Variants in RAI14 observed in about 807,000 individuals in gnomAD.
The protein encoded by RAI14 is retinoic acid induced 14, also known as ankycorbin.
In RAI14, 45 loss-of-function variants were observed where a neutral mutation model predicts 115.4. The observed-to-expected ratio is 0.39, with a 90% confidence interval of 0.31 to 0.50. RAI14 has a LOEUF of 0.50. Among genes scored for constraint, RAI14 ranks in the 20% least tolerant of loss-of-function variants. The pLI is 0.85. For missense variants in RAI14, 939 were observed against 1,131.2 expected, an observed-to-expected ratio of 0.83 and a Z score of 2.44; for synonymous variants, 371 against 415.4, an observed-to-expected ratio of 0.89 and a Z score of 1.30.
At chr5:34,794,339 C>T (rs368983708) in intron 3 of RAI14, among the ~76,000 whole-genome samples, 32 of 152,190 alleles carry the variant, frequency 2.1e-4, no homozygotes, top group African/African-American at 7.7e-4. Context: ...AGGAGAATCA[C>T]TTGAACCTGA....
chr5:34,694,732 C>T (rs1159756869), intron 2 of RAI14, among the ~76,000 whole-genome samples: 1 of 152,120 alleles, frequency 6.6e-6, no homozygotes, highest in Non-Finnish European at 1.5e-5. Flanking sequence ...AAGAATAGAA[C>T]AAGAAAAAGT....
intron 2 of RAI14, among the ~76,000 whole-genome samples, chr5:34,748,818 T>A (rs73763458): frequency 2.4e-4 from 31 of 127,950 alleles, no homozygotes; most frequent in South Asian, 2.2e-3. Context: ...AAATAAAAAT[T>A]AAAAAAAAAA....
intron 1 of RAI14, among the ~76,000 whole-genome samples, chr5:34,681,695 C>T (rs1579890732): frequency 6.6e-6 from 1 of 151,760 alleles, no homozygotes; most frequent in South Asian, 2.1e-4. Context: ...GACTGGGTCT[C>T]GCTCTGGTGC....
At chr5:34,718,150 C>T (rs1742221758) in intron 2 of RAI14, among the ~76,000 whole-genome samples, 1 of 152,188 alleles carries the variant, frequency 6.6e-6, no homozygotes, top group Non-Finnish European at 1.5e-5. Flanking sequence ...CAACAGCTAG[C>T]AAATTAGTGA....
intron 4 of RAI14, among the ~76,000 whole-genome samples, 171 bp downstream of exon 4, chr5:34,796,198 C>T (rs1361211587): frequency 1.3e-5 from 2 of 151,892 alleles, no homozygotes; most frequent in African/African-American, 4.8e-5. Flanking sequence ...AGTTCAAGGC[C>T]AGACTGGCCA....
chr5:34,686,809 A>G, intron 1 of RAI14, 63 bp from the exon 2 acceptor site: 2 of 1,086,650 alleles, frequency 1.8e-6, no homozygotes, highest in Non-Finnish European at 2.7e-6. Context: ...CCCAAGTTGT[A>G]ATCCAATCAG....
At position 34,814,640 on chromosome 5, in the gene RAI14, T is replaced by C. The variant is rs150350937; in HGVS notation, c.910T>C (p.Ser304Pro). 7.4e-5 allele frequency: 119 copies of C among 1,613,392 alleles called. No homozygotes were observed. In the African/African-American group the frequency reaches 1.5e-3, roughly 21 times the overall value. ...ITSTPLSGKE[S>P]VFFAEPPFKA... The stretch of plus-strand genomic sequence containing the variant: ...TTCGACTCCACTATCGGGAAAGGAA[T>C]CGGTATTTTTTGCTGAACCACCCTT... Residue 304 changes from serine to proline, a missense_variant, in exon 12 of 18, where the codon TCG becomes CCG. Transcript: ENST00000265109.
intron 3 of RAI14, among the ~76,000 whole-genome samples, chr5:34,780,678 A>G (rs1377439093): frequency 1.3e-5 from 2 of 152,212 alleles, no homozygotes; most frequent in Admixed American, 1.3e-4. Context: ...ATGAGATACC[A>G]TCTCACACCA....
At chr5:34,775,178 G>A (rs1346205792) in intron 3 of RAI14, among the ~76,000 whole-genome samples, 1 of 152,074 alleles carries the variant, frequency 6.6e-6, no homozygotes, top group Admixed American at 6.5e-5. Context: ...AAACATCGAG[G>A]AAACTCTGTA....
intron 2 of RAI14, among the ~76,000 whole-genome samples, chr5:34,754,165 G>C (rs1360499062): frequency 6.6e-6 from 1 of 152,104 alleles, no homozygotes; most frequent in Non-Finnish European, 1.5e-5. Context: ...TATCTCCGTG[G>C]GCAAGTTTAG....
chr5:34,820,535 C>CT (rs1756716948), intron 13 of RAI14, among the ~76,000 whole-genome samples: 1 of 152,176 alleles, frequency 6.6e-6, no homozygotes, highest in African/African-American at 2.4e-5. Context: ...TTGCTTGAAT[C>CT]TGGGAGGCAG....
rs984803552 is a variant in RAI14, at chr5:34,692,122, G to C, written c.36+5167G>C. 1.8e-4 allele frequency among the ~76,000 whole-genome samples: 28 copies of C among 152,120 alleles called. 1 individual carries two copies. The highest frequency in any genetic ancestry group is 4.4e-5 in the Non-Finnish European group (3 of 68,030). Reference sequence around the variant, plus strand: ...TACTAAAAATACAAAAATTAGCCAGGCATGGTGGTGCATGCTCGTAATCCC... The same window carrying C: ...TACTAAAAATACAAAAATTAGCCAGCCATGGTGGTGCATGCTCGTAATCCC... On this transcript the variant is annotated intron_variant, in intron 2 of 17. Transcript: ENST00000265109.
intron 2 of RAI14, among the ~76,000 whole-genome samples, chr5:34,695,939 T>C (rs1040299842): frequency 4.0e-5 from 6 of 151,366 alleles, no homozygotes; most frequent in Non-Finnish European, 7.4e-5. Flanking sequence ...TGCCCTGGCC[T>C]CCCAAATAGC....
At chr5:34,705,687 G>A (rs1163056659) in intron 2 of RAI14, among the ~76,000 whole-genome samples, 1 of 152,006 alleles carries the variant, frequency 6.6e-6, no homozygotes, top group African/African-American at 2.4e-5. Flanking sequence ...CACTCTTGTT[G>A]CCCAGGCTGG....
At chr5:34,744,043 T>C (rs1345578013) in intron 2 of RAI14, among the ~76,000 whole-genome samples, 5 of 152,224 alleles carry the variant, frequency 3.3e-5, no homozygotes, top group Admixed American at 2.0e-4. Context: ...GGATACTTCA[T>C]GTGAAATGTG....
In RAI14 at chr5:34,808,573, C is replaced by T. The variant is rs1215496686; in HGVS notation, c.380-11C>T. 2 of 1,613,344 alleles carry T rather than the reference C, an allele frequency of 1.2e-6. No homozygotes were observed. The highest frequency in any genetic ancestry group is 1.1e-5 in the South Asian group (1 of 91,022). On this transcript the variant is annotated splice_polypyrimidine_tract_variant and intron_variant, in intron 6 of 17. Coordinates refer to ENST00000265109, the MANE Select transcript of RAI14 (RefSeq NM_015577.3). ...TGATTGGCTGTGGTATTTATATTTT[C>T]CTTCCCCCAGCGGCTCAGGGCTGCC...
At chr5:34,704,845 C>T (rs2149942620) in intron 2 of RAI14, among the ~76,000 whole-genome samples, 1 of 152,340 alleles carries the variant, frequency 6.6e-6, no homozygotes, top group South Asian at 2.1e-4. Flanking sequence ...AATACTCTTT[C>T]TGTGAGGATG....
At chr5:34,707,868 T>C (rs1740895228) in intron 2 of RAI14, among the ~76,000 whole-genome samples, 1 of 152,142 alleles carries the variant, frequency 6.6e-6, no homozygotes, top group Non-Finnish European at 1.5e-5. Context: ...GGCAGAGCTG[T>C]AGACAGGAAA....
chr5:34,687,763 A>C, intron 2 of RAI14: 1 of 1,541,498 alleles, frequency 6.5e-7, no homozygotes, highest in Non-Finnish European at 8.8e-7. Context: ...CTATCATTTC[A>C]GGCGAGGTAA....
Sources: gnomAD v4.1 joint callset for allele counts (sites outside exome capture counted in the v4.1 genomes callset) on GRCh38, gnomAD v4.1.1 for gene constraint, MANE v1.5 for transcripts, NCBI Gene and HGNC (gene_info 2026-07-23, HGNC 2026-07-21) for gene names.